Variants in SMARCAL1 observed in about 807,000 individuals in gnomAD.
The protein encoded by SMARCAL1 is ATP-driven annealing helicase.
In SMARCAL1, 58 loss-of-function variants were observed where a neutral mutation model predicts 94.5. The ratio of observed to expected loss-of-function variants is 0.61; its 90% CI spans 0.50 to 0.76. SMARCAL1 has a LOEUF of 0.76. Among genes scored for constraint, SMARCAL1 ranks in the 30% least tolerant of loss-of-function variants. The pLI, the probability that SMARCAL1 is intolerant of heterozygous loss-of-function variation, is 0.00. For synonymous variants in SMARCAL1, 422 were observed against 455.1 expected, an observed-to-expected ratio of 0.93 and a Z score of 0.93; for missense variants, 1,051 against 1,177.9, an observed-to-expected ratio of 0.89 and a Z score of 1.58.
At position 216,435,424 on chromosome 2, in the gene SMARCAL1, C is replaced by T. The variant is rs749951090; in HGVS notation, c.1572C>T (p.Ile524=). ...AGGACCGCCTGACAGCTGGCCTGAT[C>T]AACATTGTCAGCTTTGACCTTCTTA... ...TGKDRLTAGL[I]NIVSFDLLSK... is the part of the protein sequence containing the mutation. Residue 524 remains isoleucine, a synonymous_variant, in exon 9 of 18, where the codon ATC becomes ATT. Transcript: ENST00000357276. The T allele has an allele frequency of 3.7e-6, 6 of 1,613,972 alleles. No individual in the cohort carries two copies. In the African/African-American group the frequency reaches 8.0e-5, roughly 22 times the overall value.
intron 6 of SMARCAL1, among the ~76,000 whole-genome samples, chr2:216,424,050 G>T (rs536169294): frequency 6.6e-6 from 1 of 152,334 alleles, no homozygotes; most frequent in Non-Finnish European, 1.5e-5. Flanking sequence ...TTACTTCTAA[G>T]AATAGGCTCT....
chr2:216,448,341 A>G (rs185623036), intron 11 of SMARCAL1, among the ~76,000 whole-genome samples: 77 of 152,292 alleles, frequency 5.1e-4, no homozygotes, highest in Middle Eastern at 3.4e-3. Context: ...CCACTTTCTA[A>G]AAAGGATCTT....
At chr2:216,435,233 A>G in intron 8 of SMARCAL1, 105 bp from the exon 9 acceptor site, 2 of 1,198,914 alleles carry the variant, frequency 1.7e-6, no homozygotes, top group Non-Finnish European at 1.2e-6. Context: ...GGTGAGAGGA[A>G]GGTAGAGGTG....
rs1185915421 is a variant in SMARCAL1 at position 216,478,232 on chromosome 2, T to C, written c.2558T>C (p.Leu853Pro). Residue 853 changes from leucine to proline, a missense_variant, in exon 17 of 18, where the codon CTG becomes CCG. Physicochemically the swap from Leu to Pro is moderately conservative, Grantham distance 98. Around this residue, in one of 3 missense-constraint regions of SMARCAL1, gnomAD observed 642 missense variants for 754.7 expected, o/e 0.85. Coordinates refer to ENST00000357276, the MANE Select transcript of SMARCAL1 (RefSeq NM_014140.4). Reference protein sequence around the residue: ...WPLIQEKIKVLAEAGLSETNF... With the variant: ...WPLIQEKIKVPAEAGLSETNF... Reference sequence around the variant, plus strand: ...CTGATTCAAGAGAAGATTAAAGTTCTGGCAGAAGCCGGGCTTTCTGAGACC... The same window carrying C: ...CTGATTCAAGAGAAGATTAAAGTTCCGGCAGAAGCCGGGCTTTCTGAGACC... 2 of 1,614,108 alleles carry C rather than the reference T, an allele frequency of 1.2e-6. No individual in the cohort carries two copies. Among genetic ancestry groups the C allele is most frequent in the Non-Finnish European group, 1.7e-6 (2 of 1,180,034 alleles).
In SMARCAL1 at chr2:216,419,320, C is replaced by T. The variant is rs866226508; in HGVS notation, c.863-979C>T. On this transcript the variant is annotated intron_variant, in intron 4 of 17. Coordinates refer to ENST00000357276, the MANE Select transcript of SMARCAL1 (RefSeq NM_014140.4). ...CTTCAAATGTTTCTTAGTCTTTTTC[C>T]TCCTGTTTTGAATTGGCTACACTAC... Among the ~76,000 whole-genome samples the T allele has an allele frequency of 3.9e-5, 6 of 152,132 alleles. 1 individual carries two copies. The Middle Eastern group carries it at 0.01, about 259-fold the overall frequency.
rs778978035 is a variant in SMARCAL1, at chr2:216,447,062, C to G, written c.1755C>G (p.Ser585=). The change falls in exon 11 of 18, where the codon TCC becomes TCG. Residue 585 remains serine, a synonymous_variant. Transcript: ENST00000357276. ...VILLSGTPAM[S]RPAELYTQII... is the part of the protein sequence containing the mutation. ...TGTTGTCGGGCACACCAGCCATGTC[C>G]CGGCCCGCAGAGCTCTACACGCAGA... The G allele has an allele frequency of 8.1e-6, 13 of 1,603,596 alleles. No individual in the cohort carries two copies. Among genetic ancestry groups the G allele is most frequent in the Non-Finnish European group, 1.1e-5 (13 of 1,175,806 alleles).
rs2106086160 is a variant in SMARCAL1, at chr2:216,475,170, G to A, written c.2245-99G>A. ...CTCTGAAGGCAGGGGCCTCTGCTGAGCTGGAACCTGGTTCTGTGCTGGAGC... is the reference window on the plus strand; with the variant it reads ...CTCTGAAGGCAGGGGCCTCTGCTGAACTGGAACCTGGTTCTGTGCTGGAGC... On this transcript the variant is annotated intron_variant, in intron 14 of 17. Coordinates refer to ENST00000357276, the MANE Select transcript of SMARCAL1 (RefSeq NM_014140.4). The surrounding 1 kb of genome is among the most constrained non-coding windows in gnomAD (Gnocchi z 4.4). 8.0e-7 allele frequency: 1 copy of A among 1,249,932 alleles called. No homozygotes were observed. The highest frequency in any genetic ancestry group is 2.3e-5 in the East Asian group (1 of 42,808). 77.4% of individuals were successfully genotyped at this position (1,249,932 alleles called of 1,614,324 possible).
At chr2:216,445,446 T>C (rs1210985712) in intron 10 of SMARCAL1, among the ~76,000 whole-genome samples, 1 of 152,222 alleles carries the variant, frequency 6.6e-6, no homozygotes, top group Non-Finnish European at 1.5e-5. Context: ...GATTTAATAC[T>C]AACTACATCC....
intron 7 of SMARCAL1, among the ~76,000 whole-genome samples, chr2:216,432,236 C>T (rs983091756): frequency 1.3e-5 from 2 of 152,102 alleles, no homozygotes; most frequent in Non-Finnish European, 2.9e-5. Flanking sequence ...TCAGGTGATC[C>T]GCCCCACTCA....
chr2:216,447,560 T>C lies in SMARCAL1; in HGVS notation c.1851+402T>C, dbSNP rs560815835. 3.0e-3 allele frequency among the ~76,000 whole-genome samples: 460 copies of C among 151,678 alleles called. 2 individuals are homozygous for C. Among genetic ancestry groups the C allele is most frequent in the Non-Finnish European group, 5.2e-3 (353 of 67,912 alleles). On this transcript the variant is annotated intron_variant, in intron 11 of 17. Coordinates refer to ENST00000357276, the MANE Select transcript of SMARCAL1 (RefSeq NM_014140.4). ...AGAAGATGCTGGCACTGAGGTGAGC[T>C]AGGAGTGAGGCTGAGGCCCCAGGCA... is the stretch of plus-strand genomic sequence containing the variant.
intron 6 of SMARCAL1, among the ~76,000 whole-genome samples, chr2:216,425,396 A>G (rs1434349020): frequency 6.6e-6 from 1 of 152,282 alleles, no homozygotes; most frequent in African/African-American, 2.4e-5. Flanking sequence ...GGTGCCTGAA[A>G]ACTTGAAGAC....
At chr2:216,467,682 T>C (rs1356715744) in intron 13 of SMARCAL1, among the ~76,000 whole-genome samples, 1 of 152,292 alleles carries the variant, frequency 6.6e-6, no homozygotes, top group East Asian at 1.9e-4. Context: ...CTCTTTAGTA[T>C]TATGTATGTC....
chr2:216,432,623 A>G, intron 7 of SMARCAL1, 95 bp from the exon 8 acceptor site: 1 of 1,493,836 alleles, frequency 6.7e-7, no homozygotes, highest in Non-Finnish European at 9.3e-7. Flanking sequence ...TGGCCAGTGA[A>G]GTGGCCTTCA....
At chr2:216,422,381 G>A (rs956183512) in intron 5 of SMARCAL1, among the ~76,000 whole-genome samples, 9 of 152,146 alleles carry the variant, frequency 5.9e-5, no homozygotes, top group Admixed American at 2.0e-4. Flanking sequence ...AATAAAAAAG[G>A]CAAATACAGT....
At chr2:216,471,335 T>G (rs1694961168) in intron 14 of SMARCAL1, among the ~76,000 whole-genome samples, 1 of 152,086 alleles carries the variant, frequency 6.6e-6, no homozygotes, top group Non-Finnish European at 1.5e-5. Flanking sequence ...ATTTTTTCTG[T>G]GACACATACA....
rs753973746 is a variant in SMARCAL1 at position 216,416,300 on chromosome 2, T to G, written c.855T>G (p.Ser285Arg). ...GGAACTTCAGCATGAATGACTATAGTGCCCTGAGTAAGTAGACACATGGTT... is the reference window on the plus strand; with the variant it reads ...GGAACTTCAGCATGAATGACTATAGGGCCCTGAGTAAGTAGACACATGGTT... Reference protein sequence around the residue: ...KTWNFSMNDYSALMKAAQSLP... With the variant: ...KTWNFSMNDYRALMKAAQSLP... Residue 285 changes from serine (S) to arginine (R), a missense_variant, in exon 4 of 18, where the codon AGT becomes AGG. Around this residue, in one of 3 missense-constraint regions of SMARCAL1, gnomAD observed 398 missense variants for 395.2 expected, o/e 1.01. Coordinates refer to ENST00000357276, the MANE Select transcript of SMARCAL1 (RefSeq NM_014140.4). The G allele has an allele frequency of 6.2e-7, 1 of 1,613,282 alleles. No homozygotes were observed. The highest frequency in any genetic ancestry group is 8.5e-7 in the Non-Finnish European group (1 of 1,179,284).
At chr2:216,450,824 G>A in intron 11 of SMARCAL1, 22 bp from the exon 12 acceptor site, 1 of 1,601,758 alleles carries the variant, frequency 6.2e-7, no homozygotes, top group Non-Finnish European at 8.5e-7. Flanking sequence ...TCATGGGGCT[G>A]TCGCTGTCTT....
At chr2:216,422,397 G>A (rs1358814045) in intron 5 of SMARCAL1, among the ~76,000 whole-genome samples, 1 of 152,072 alleles carries the variant, frequency 6.6e-6, no homozygotes, top group Non-Finnish European at 1.5e-5. Context: ...ACAGTGATAT[G>A]TGTCTATCAC....
At chr2:216,474,584 G>A (rs1230499135) in intron 14 of SMARCAL1, among the ~76,000 whole-genome samples, 3 of 151,492 alleles carry the variant, frequency 2.0e-5, no homozygotes, top group Non-Finnish European at 2.9e-5. Context: ...GTGGAACCAC[G>A]CCTCTACTAA....
Sources: gnomAD v4.1 joint callset for allele counts (sites outside exome capture counted in the v4.1 genomes callset) on GRCh38, gnomAD v4.1.1 for gene constraint, gnomAD v4.1.1 regional missense constraint, Gnocchi (gnomAD v3.1) non-coding constraint, MANE v1.5 for transcripts, NCBI Gene and HGNC (gene_info 2026-07-23, HGNC 2026-07-21) for gene names.